BANK1: variants seen among roughly 807,000 people sequenced by gnomAD.
BANK1 encodes B cell scaffold protein with ankyrin repeats 1.
Under a neutral mutation model 94.5 loss-of-function variants are expected in BANK1, and 95 were observed. The ratio of observed to expected loss-of-function variants is 1.00; its 90% CI spans 0.85 to 1.19. BANK1 has a LOEUF of 1.19. BANK1 is among the 50% of genes most tolerant of loss of function. BANK1 has a pLI of 0.00. For missense variants in BANK1, 987 were observed against 932.2 expected, an observed-to-expected ratio of 1.06 and a Z score of -0.77; for synonymous variants, 334 against 308.4, an observed-to-expected ratio of 1.08 and a Z score of -0.87.
intron 11 of BANK1, among the ~76,000 whole-genome samples, chr4:102,044,525 A>C (rs1246765914): frequency 2.1e-5 from 3 of 141,988 alleles, no homozygotes; most frequent in Non-Finnish European, 4.6e-5. Flanking sequence ...AGCATGATTT[A>C]TAGTCCTTTG....
chr4:101,957,844 C>CTTT (rs776142689), intron 7 of BANK1, among the ~76,000 whole-genome samples: 14 of 87,610 alleles, frequency 1.6e-4, no homozygotes, highest in South Asian at 3.0e-4. Flanking sequence ...TTGTTTTTTG[C>CTTT]TTTTTTTTTT....
chr4:101,994,857 T>C (rs1195944998), intron 7 of BANK1, among the ~76,000 whole-genome samples: 1 of 152,132 alleles, frequency 6.6e-6, no homozygotes, highest in East Asian at 1.9e-4. Flanking sequence ...AGCCAATCAT[T>C]TTACAAGGTT....
chr4:101,910,914 A>G (rs1323046196), intron 6 of BANK1, among the ~76,000 whole-genome samples: 2 of 152,210 alleles, frequency 1.3e-5, no homozygotes, highest in African/African-American at 4.8e-5. Flanking sequence ...CAGAGGGCAC[A>G]GAAGCCAAGG....
intron 10 of BANK1, among the ~76,000 whole-genome samples, chr4:102,030,510 T>C (rs1727263958): frequency 6.6e-6 from 1 of 151,992 alleles, no homozygotes; most frequent in Non-Finnish European, 1.5e-5. Context: ...GGTATGTGCA[T>C]GCCATGGTAG....
rs17031842 is a variant in BANK1 at position 101,992,276 on chromosome 4, C to T, written c.1207-29238C>T. On this transcript the variant is annotated intron_variant, in intron 7 of 16. Coordinates refer to ENST00000322953, the MANE Select transcript of BANK1 (RefSeq NM_017935.5). ...GTTTGTGAAATCATGCATTGATGAC[C>T]AGTGGATTTCTCAATAAAATCAACT... Among the ~76,000 whole-genome samples, 1,074 of 152,156 alleles carry T rather than the reference C, an allele frequency of 7.1e-3. 15 individuals are homozygous for T. Among genetic ancestry groups the T allele is most frequent in the East Asian group, 0.057 (295 of 5,176 alleles).
chr4:102,069,072 CA>C (rs889039607), intron 13 of BANK1, among the ~76,000 whole-genome samples: 4 of 151,208 alleles, frequency 2.6e-5, no homozygotes, highest in South Asian at 2.1e-4. Flanking sequence ...GGAATATAAG[CA>C]AAAAAAATGT....
rs1384334588 is a variant in BANK1 at position 101,870,632 on chromosome 4, G to A, written c.891G>A (p.Glu297=). The part of the protein sequence containing the change: ...ECLFRMADSG[E]SLCQNSIEEL... ...TATTCAGAATGGCAGATTCAGGAGA[G>A]AGTTTGTGCCAGGTAAGTTAATCTT... The change falls in exon 5 of 17, where the codon GAG becomes GAA. Residue 297 remains glutamate (E), a synonymous_variant. Transcript: ENST00000322953. 6.2e-6 allele frequency: 10 copies of A among 1,610,656 alleles called. No homozygotes were observed. The highest frequency in any genetic ancestry group is 1.7e-5 in the Admixed American group (1 of 59,332).
intron 1 of BANK1, among the ~76,000 whole-genome samples, chr4:101,795,972 G>A (rs2148848238): frequency 6.6e-6 from 1 of 152,290 alleles, no homozygotes; most frequent in East Asian, 1.9e-4. Context: ...ATCTGTGTAA[G>A]TATAAGCCAC....
chr4:101,858,905 C>CT (rs1439361791), intron 3 of BANK1, among the ~76,000 whole-genome samples: 1 of 152,136 alleles, frequency 6.6e-6, no homozygotes, highest in East Asian at 1.9e-4. Flanking sequence ...TAATATGAGT[C>CT]TTCAGCCCTT....
intron 6 of BANK1, among the ~76,000 whole-genome samples, chr4:101,905,127 G>A (rs760802077): frequency 7.9e-4 from 121 of 152,292 alleles, no homozygotes; most frequent in Admixed American, 4.3e-3. Flanking sequence ...AACAGAAGTA[G>A]ATACAACAAT....
rs1344623109 is a variant in BANK1 at position 101,876,568 on chromosome 4, C to T, written c.903+5924C>T. ...GTCTTTAAAATCTGGAAACCCTTCC[C>T]AAGAAGGATGGATACAAACAAGCCC... On this transcript the variant is annotated intron_variant, in intron 5 of 16. Coordinates refer to ENST00000322953, the MANE Select transcript of BANK1 (RefSeq NM_017935.5). 3.3e-5 allele frequency among the ~76,000 whole-genome samples: 5 copies of T among 152,232 alleles called. No homozygotes were observed. In the East Asian group the frequency reaches 5.8e-4, roughly 18 times the overall value.
intron 7 of BANK1, among the ~76,000 whole-genome samples, chr4:101,985,279 T>C (rs1241465246): frequency 2.0e-5 from 3 of 152,168 alleles, no homozygotes; most frequent in Non-Finnish European, 4.4e-5. Context: ...CTCAACAGAT[T>C]GGATGTGGTT....
chr4:102,023,331 G>C (rs1249469080), intron 8 of BANK1, among the ~76,000 whole-genome samples: 25 of 152,052 alleles, frequency 1.6e-4, no homozygotes, highest in Admixed American at 1.6e-3. Context: ...AATGCACCAA[G>C]CTTTAAAGTT....
chr4:101,903,153 C>A (rs888771171), intron 6 of BANK1, among the ~76,000 whole-genome samples: 4 of 152,198 alleles, frequency 2.6e-5, no homozygotes, highest in Admixed American at 2.0e-4. Context: ...TTAGCCCCAT[C>A]TGTAAAAACA....
At chr4:102,028,342 A>C (rs1049976463) in intron 9 of BANK1, among the ~76,000 whole-genome samples, 1 of 152,216 alleles carries the variant, frequency 6.6e-6, no homozygotes, top group African/African-American at 2.4e-5. Context: ...ATAAAAGGCA[A>C]GCCGTGGTGA....
chr4:101,841,994 CATAA>C (rs982700988), intron 2 of BANK1, among the ~76,000 whole-genome samples: 41 of 151,996 alleles, frequency 2.7e-4, no homozygotes, highest in Non-Finnish European at 1.3e-4. Context: ...AATAGAATAA[CATAA>C]ATGAATATGA....
At chr4:101,987,857 G>T (rs1725568915) in intron 7 of BANK1, among the ~76,000 whole-genome samples, 1 of 152,124 alleles carries the variant, frequency 6.6e-6, no homozygotes, top group Admixed American at 6.5e-5. Flanking sequence ...CACCAGGGTT[G>T]GTTTGGGCAA....
At chr4:102,050,330 G>GAGC (rs1728005159) in intron 11 of BANK1, among the ~76,000 whole-genome samples, 2 of 152,126 alleles carry the variant, frequency 1.3e-5, no homozygotes, top group Non-Finnish European at 2.9e-5. Flanking sequence ...TGGGTAGGAG[G>GAGC]AGCACATCCA....
At chr4:101,826,348 T>G (rs537801215) in intron 1 of BANK1, among the ~76,000 whole-genome samples, 1 of 152,188 alleles carries the variant, frequency 6.6e-6, no homozygotes, top group South Asian at 2.1e-4. Flanking sequence ...GAGTCCTGAT[T>G]CTAATACCAC....
Sources: allele counts gnomAD v4.1 joint callset (sites outside exome capture counted in the v4.1 genomes callset), GRCh38; gene constraint gnomAD v4.1.1; transcripts MANE v1.5; gene names NCBI Gene and HGNC (gene_info 2026-07-23, HGNC 2026-07-21).